Variants in TIA1 observed in about 807,000 individuals in gnomAD.
TIA1 encodes the protein TIA1 cytotoxic granule associated RNA binding protein.
A neutral mutation model predicts 65.9 loss-of-function variants in TIA1; 23 were observed. The observed-to-expected ratio is 0.35, with a 90% CI of 0.25 to 0.49. The LOEUF is 0.49. Among genes scored for constraint, TIA1 ranks in the 20% least tolerant of loss-of-function variants. TIA1 has a pLI of 0.98. For missense variants in TIA1, 371 were observed against 477.9 expected, an observed-to-expected ratio of 0.78 and a Z score of 2.09; for synonymous variants, 147 against 149.4, an observed-to-expected ratio of 0.98 and a Z score of 0.12.
At chr2:70,213,150 G>C (rs1156251891) in intron 12 of TIA1, among the ~76,000 whole-genome samples, 1 of 151,894 alleles carries the variant, frequency 6.6e-6, no homozygotes, top group Non-Finnish European at 1.5e-5. Flanking sequence ...CCCCATTCTT[G>C]GAAAAGAAAG....
chr2:70,236,073 C>T lies in TIA1; in HGVS notation c.123+6G>A, dbSNP rs540254713. 1.0e-5 allele frequency: 16 copies of T among 1,548,786 alleles called. No individual in the cohort carries two copies. The South Asian group carries it at 1.9e-4, about 18-fold the overall frequency. ...GAATAAAGTTAACTAAGTAAAATAC[C>T]CTTACATCCATAATCATTTTGCAGT... is the stretch of plus-strand genomic sequence containing the variant. On this transcript the variant is annotated splice_donor_region_variant and intron_variant, in intron 2 of 12. Transcript: ENST00000433529.
chr2:70,228,987 C>CA (rs1684941180), intron 5 of TIA1, 72 bp downstream of exon 5: 1 of 916,548 alleles, frequency 1.1e-6, no homozygotes, highest in Non-Finnish European at 1.4e-6. Flanking sequence ...AAATATCAAA[C>CA]AAAAAAACTT....
Position 70,248,564 on chromosome 2 carries a change from G to C in TIA1, c.-134C>G, listed in dbSNP as rs1294495035. On this transcript the variant is annotated 5_prime_UTR_variant, in exon 1 of 13. Transcript: ENST00000433529. Reference sequence around the variant, plus strand: ...CAGAGGTTACTCCGCCTCCTCCTCCGGCGGCAATTACACTAAACCGCCCGG... The same window carrying C: ...CAGAGGTTACTCCGCCTCCTCCTCCCGCGGCAATTACACTAAACCGCCCGG... 2 of 1,378,268 alleles carry C rather than the reference G, an allele frequency of 1.5e-6. No homozygotes were observed. Among genetic ancestry groups the C allele is most frequent in the Admixed American group, 1.9e-5 (1 of 52,988 alleles). The allele number at this position is 1,378,268 out of a possible 1,614,324, so 85.4% of individuals were successfully genotyped here.
At position 70,233,387 on chromosome 2, in the gene TIA1, A is replaced by C. The variant is rs185150294; in HGVS notation, c.124-2533T>G. On this transcript the variant is annotated intron_variant, in intron 2 of 12. Coordinates refer to ENST00000433529, the MANE Select transcript of TIA1 (RefSeq NM_022173.4). Reference sequence around the variant, plus strand: ...TTGTCTAAAAAAATTAGAGAATAAAAATGTTATATAACTCAAACTAATAAA... The same window carrying C: ...TTGTCTAAAAAAATTAGAGAATAAACATGTTATATAACTCAAACTAATAAA... Among the ~76,000 whole-genome samples, 612 of 152,354 alleles carry C rather than the reference A, an allele frequency of 4.0e-3. 1 individual carries two copies. Among genetic ancestry groups the C allele is most frequent in the Non-Finnish European group, 6.4e-3 (437 of 68,036 alleles).
At position 70,229,045 on chromosome 2, in the gene TIA1, GA is replaced by G; in HGVS notation, c.310+13del. Reference sequence around the variant, plus strand: ...TCAAGAGATTTCATTTTATGTTTAAGAAGATACAATTACCTTGTGAACGCTG... The same window carrying G: ...TCAAGAGATTTCATTTTATGTTTAAGAGATACAATTACCTTGTGAACGCTG... On this transcript the variant is annotated intron_variant, in intron 5 of 12. Coordinates refer to ENST00000433529, the MANE Select transcript of TIA1 (RefSeq NM_022173.4). The G allele has an allele frequency of 1.2e-6, 2 of 1,600,858 alleles. No individual in the cohort carries two copies. Among genetic ancestry groups the G allele is most frequent in the Non-Finnish European group, 1.7e-6 (2 of 1,176,670 alleles).
chr2:70,248,377 G>A, intron 1 of TIA1, 28 bp downstream of exon 1: 2 of 1,596,596 alleles, frequency 1.3e-6, no homozygotes, highest in Non-Finnish European at 1.7e-6. Flanking sequence ...CCACCATCCC[G>A]CCTCCCTCAT....
intron 1 of TIA1, among the ~76,000 whole-genome samples, chr2:70,244,671 T>C (rs571244184): frequency 6.3e-4 from 96 of 151,604 alleles, no homozygotes; most frequent in Non-Finnish European, 1.1e-3. Context: ...GTGTCTCTAC[T>C]ACAAATACAA....
intron 7 of TIA1, among the ~76,000 whole-genome samples, chr2:70,218,765 G>A (rs1679870379): frequency 6.6e-6 from 1 of 152,252 alleles, no homozygotes; most frequent in Non-Finnish European, 1.5e-5. Flanking sequence ...GAGGAGAATG[G>A]CTTAGGATAA....
chr2:70,222,909 G>C (rs983891202), intron 7 of TIA1, among the ~76,000 whole-genome samples: 1 of 151,488 alleles, frequency 6.6e-6, no homozygotes, highest in African/African-American at 2.4e-5. Flanking sequence ...GCGAAACTCC[G>C]TCTCAAAAAA....
Position 70,239,158 on chromosome 2 carries a change from T to A in TIA1, c.27-2983A>T, listed in dbSNP as rs547702086. 1.5e-4 allele frequency among the ~76,000 whole-genome samples: 23 copies of A among 152,332 alleles called. No homozygotes were observed. In the South Asian group the frequency reaches 4.8e-3, roughly 32 times the overall value. ...CCCAGGCTGGAGTGCAGTGGCGTGATCTCGGCTCACTGCAAGCTCCGCCTC... is the reference window on the plus strand; with the variant it reads ...CCCAGGCTGGAGTGCAGTGGCGTGAACTCGGCTCACTGCAAGCTCCGCCTC... On this transcript the variant is annotated intron_variant, in intron 1 of 12. Coordinates refer to ENST00000433529, the MANE Select transcript of TIA1 (RefSeq NM_022173.4).
chr2:70,219,625 C>G (rs528184850), intron 7 of TIA1, among the ~76,000 whole-genome samples: 115 of 151,810 alleles, frequency 7.6e-4, no homozygotes, highest in African/African-American at 2.5e-3. Context: ...CATGCACCAA[C>G]AAGGTTGGCT....
rs973529708 is a variant in TIA1 at position 70,212,367 on chromosome 2, G to C, written c.*352C>G. The C allele has an allele frequency of 2.9e-5, 5 of 173,212 alleles. No individual in the cohort carries two copies. The highest frequency in any genetic ancestry group is 2.7e-4 in the South Asian group (2 of 7,372). The allele number at this position is 173,212 out of a possible 1,614,324, so 10.7% of individuals were successfully genotyped here. A position where few individuals can be genotyped will look rare whatever the true frequency, so the allele number is the denominator to read the frequency against. On this transcript the variant is annotated 3_prime_UTR_variant, in exon 13 of 13. Transcript: ENST00000433529. ...ACATGTTTTAAATCATATCAGGAAT[G>C]CAAACTAGAACTGCACACTACTTCA...
chr2:70,237,902 C>T (rs975971797), intron 1 of TIA1, among the ~76,000 whole-genome samples: 1 of 151,836 alleles, frequency 6.6e-6, no homozygotes, highest in Non-Finnish European at 1.5e-5. Context: ...TGGCTCATGC[C>T]TGTAATCCCA....
intron 1 of TIA1, among the ~76,000 whole-genome samples, chr2:70,236,957 CT>C (rs1227212201): frequency 1.3e-5 from 2 of 152,150 alleles, no homozygotes; most frequent in Non-Finnish European, 2.9e-5. Context: ...TTTTAATTTG[CT>C]TATTCTCCAT....
intron 2 of TIA1, among the ~76,000 whole-genome samples, chr2:70,234,706 C>T (rs1275401374): frequency 6.6e-6 from 1 of 151,994 alleles, no homozygotes; most frequent in Non-Finnish European, 1.5e-5. Flanking sequence ...GGATTACAGG[C>T]GCTTGCCACC....
chr2:70,248,588 G>A lies in TIA1; in HGVS notation c.-158C>T, dbSNP rs187388474. Reference sequence around the variant, plus strand: ...CGGCGGCAATTACACTAAACCGCCCGGCCCAGCGGGAACAATGAAACCCCA... The same window carrying A: ...CGGCGGCAATTACACTAAACCGCCCAGCCCAGCGGGAACAATGAAACCCCA... On this transcript the variant is annotated 5_prime_UTR_variant, in exon 1 of 13. Coordinates refer to ENST00000433529, the MANE Select transcript of TIA1 (RefSeq NM_022173.4). 4.8e-6 allele frequency: 5 copies of A among 1,032,752 alleles called. No individual in the cohort carries two copies. The highest frequency in any genetic ancestry group is 5.8e-6 in the Non-Finnish European group (4 of 692,452). 64.0% of individuals were successfully genotyped at this position (1,032,752 alleles called of 1,614,324 possible). A position where few individuals can be genotyped will look rare whatever the true frequency, so the allele number is the denominator to read the frequency against.
At chr2:70,232,996 T>C (rs1436589287) in intron 2 of TIA1, among the ~76,000 whole-genome samples, 1 of 152,192 alleles carries the variant, frequency 6.6e-6, no homozygotes, top group Non-Finnish European at 1.5e-5. Flanking sequence ...ACACCTACAG[T>C]GCAAAATATC....
At chr2:70,245,983 GCGCAACCT>G (rs1432929679) in intron 1 of TIA1, among the ~76,000 whole-genome samples, 1 of 145,812 alleles carries the variant, frequency 6.9e-6, no homozygotes, top group Non-Finnish European at 1.5e-5. Context: ...GAGTGCAATG[GCGCAACCT>G]CGGCTCACTG....
chr2:70,215,380 G>T lies in TIA1; in HGVS notation c.879C>A (p.Pro293=). ...TTAAGAACCCTCTCACCTGTTGCAC[G>T]GGATTTATCATATCAAGAGTTTCTT... ...WGKETLDMIN[P]VQQQNQIGYP... Residue 293 remains proline (P), a synonymous_variant, in exon 11 of 13, where the codon CCC becomes CCA. Transcript: ENST00000433529. 2 of 1,613,836 alleles carry T rather than the reference G, an allele frequency of 1.2e-6. No homozygotes were observed. The highest frequency in any genetic ancestry group is 1.7e-4 in the Middle Eastern group (1 of 6,060).
Sources: gnomAD v4.1 joint callset for allele counts (sites outside exome capture counted in the v4.1 genomes callset) on GRCh38, gnomAD v4.1.1 for gene constraint, MANE v1.5 for transcripts, NCBI Gene and HGNC (gene_info 2026-07-23, HGNC 2026-07-21) for gene names.